The following LPAR1 variants were observed in gnomAD, a reference collection of about 807,000 sequenced individuals.
LPAR1 encodes lysophosphatidic acid receptor 1, also known as LPA receptor 1.
Under a neutral mutation model 23.8 loss-of-function variants are expected in LPAR1, and 5 were observed. That is an observed-to-expected ratio of 0.21 (90% CI 0.11 to 0.44). The LOEUF (loss-of-function observed/expected upper bound fraction) is 0.44. Ranked by LOEUF, LPAR1 falls within the 20% of genes least tolerant of loss-of-function variation. The pLI is 0.99. For synonymous variants in LPAR1, 160 were observed against 164.7 expected (o/e 0.97, Z 0.22); for missense variants, 311 against 482.8 (o/e 0.64, Z 3.33).
At chr9:110,966,508 T>C (rs2096233238) in intron 4 of LPAR1, among the ~76,000 whole-genome samples, 1 of 148,442 alleles carries the variant, frequency 6.7e-6, no homozygotes, top group South Asian at 2.1e-4. Flanking sequence ...CCAACCTAGA[T>C]GATGGGTTGA....
At chr9:111,022,836 G>T (rs1465895201) in intron 2 of LPAR1, among the ~76,000 whole-genome samples, 1 of 151,886 alleles carries the variant, frequency 6.6e-6, no homozygotes, top group Non-Finnish European at 1.5e-5. Context: ...GGATTACGAG[G>T]TCAGGAGATC....
chr9:110,894,326 T>C (rs2085535717), intron 5 of LPAR1, among the ~76,000 whole-genome samples: 1 of 152,216 alleles, frequency 6.6e-6, no homozygotes, highest in Admixed American at 6.5e-5. Context: ...ATATGGGACA[T>C]TGGACAAGTT....
chr9:110,989,717 A>G (rs1332985580), intron 2 of LPAR1, among the ~76,000 whole-genome samples: 2 of 152,202 alleles, frequency 1.3e-5, no homozygotes, highest in South Asian at 4.1e-4. Context: ...GCAAGATGAT[A>G]GATTTAAACA....
At chr9:111,017,226 C>T (rs977016368) in intron 2 of LPAR1, among the ~76,000 whole-genome samples, 1 of 152,172 alleles carries the variant, frequency 6.6e-6, no homozygotes, top group Non-Finnish European at 1.5e-5. Flanking sequence ...AATTCACACT[C>T]ACTTCCTCTT....
chr9:111,011,316 T>A (rs2097327430), intron 2 of LPAR1, among the ~76,000 whole-genome samples: 1 of 152,216 alleles, frequency 6.6e-6, no homozygotes, highest in African/African-American at 2.4e-5. Flanking sequence ...CTACATCTTA[T>A]CCAATCCTTT....
chr9:110,892,808 G>A (rs2084794191), intron 5 of LPAR1, among the ~76,000 whole-genome samples: 1 of 107,670 alleles, frequency 9.3e-6, no homozygotes, highest in Non-Finnish European at 1.8e-5. Context: ...AAGGAAGGAA[G>A]GAAGGAAGGA....
intron 4 of LPAR1, among the ~76,000 whole-genome samples, chr9:110,951,730 C>A (rs565595527): frequency 6.3e-4 from 96 of 152,056 alleles, no homozygotes; most frequent in Non-Finnish European, 1.1e-3. Flanking sequence ...TAACTATGAA[C>A]ATGTTCATAC....
intron 5 of LPAR1, among the ~76,000 whole-genome samples, chr9:110,933,548 G>T (rs2418118): frequency 6.6e-6 from 1 of 151,810 alleles, no homozygotes; most frequent in Non-Finnish European, 1.5e-5. Flanking sequence ...TGGGACTATG[G>T]AACTCGTAAG....
At chr9:110,905,272 A>AG in intron 5 of LPAR1, among the ~76,000 whole-genome samples, 2 of 152,272 alleles carry the variant, frequency 1.3e-5, no homozygotes, top group Non-Finnish European at 2.9e-5. Context: ...GAGAAGTGCT[A>AG]GGTCATATAT....
At position 110,885,128 on chromosome 9, in the gene LPAR1, A is replaced by T. The variant is rs73655651; in HGVS notation, c.794-9406T>A. ...TACTTTTGCATAGTAATATGTACTAATTTAGTCAATACAGTGTCTTCTTGA... is the reference window on the plus strand; with the variant it reads ...TACTTTTGCATAGTAATATGTACTATTTTAGTCAATACAGTGTCTTCTTGA... On this transcript the variant is annotated intron_variant, in intron 5 of 5. Coordinates refer to ENST00000683809, the MANE Select transcript of LPAR1 (RefSeq NM_001351411.2). 2.8e-3 allele frequency among the ~76,000 whole-genome samples: 431 copies of T among 152,314 alleles called. 1 individual carries two copies. The highest frequency in any genetic ancestry group is 9.9e-3 in the African/African-American group (412 of 41,552).
intron 5 of LPAR1, among the ~76,000 whole-genome samples, chr9:110,900,173 A>G (rs901482196): frequency 2.6e-5 from 4 of 152,302 alleles, no homozygotes; most frequent in African/African-American, 9.6e-5. Context: ...TTGCTAGGCA[A>G]AAATCAAAGT....
At position 110,941,953 on chromosome 9, in the gene LPAR1, T is replaced by G. The variant is rs763056778; in HGVS notation, c.261A>C (p.Leu87=). 1.2e-6 allele frequency: 2 copies of G among 1,614,062 alleles called. No homozygotes were observed. Among genetic ancestry groups the G allele is most frequent in the South Asian group, 2.2e-5 (2 of 91,072 alleles). The change falls in exon 5 of 6, where the codon CTA becomes CTC. Residue 87 remains leucine, a synonymous_variant. Transcript: ENST00000683809. This position sits in a 1 kb window ranked among gnomAD's most constrained non-coding sequence, Gnocchi z 6.1. ...AGTCTGCAGCAGCCAGATTAGCCAT[T>G]AGGTAATAAATAGGAAAATGGAAGC... ...NRRFHFPIYY[L]MANLAAADFF...
chr9:111,015,767 T>C (rs1473777632), intron 2 of LPAR1, among the ~76,000 whole-genome samples: 2 of 152,094 alleles, frequency 1.3e-5, no homozygotes, highest in African/African-American at 2.4e-5. Context: ...GATGTTTTCA[T>C]AAATAACTTT....
chr9:110,888,859 A>T (rs190788288), intron 5 of LPAR1, among the ~76,000 whole-genome samples: 1 of 152,342 alleles, frequency 6.6e-6, no homozygotes, highest in African/African-American at 2.4e-5. Context: ...AAAGTAAAAA[A>T]TACCTGAAAA....
At chr9:110,949,134 T>A (rs533373457) in intron 4 of LPAR1, among the ~76,000 whole-genome samples, 3 of 152,034 alleles carry the variant, frequency 2.0e-5, no homozygotes, top group African/African-American at 7.2e-5. Context: ...GTTGGTGATA[T>A]CCCCATGCTC....
chr9:110,933,617 C>A (rs1212388843), intron 5 of LPAR1, among the ~76,000 whole-genome samples: 2 of 152,182 alleles, frequency 1.3e-5, no homozygotes, highest in African/African-American at 4.8e-5. Flanking sequence ...TCTAAACTCT[C>A]AACCCCTAGG....
At chr9:111,035,496 T>G (rs192773710) in intron 2 of LPAR1, among the ~76,000 whole-genome samples, 10 of 152,232 alleles carry the variant, frequency 6.6e-5, no homozygotes, top group Non-Finnish European at 1.5e-5. Flanking sequence ...AGTGTTGAGA[T>G]TACAGGCATA....
chr9:110,886,055 G>A (rs532494101), intron 5 of LPAR1, among the ~76,000 whole-genome samples: 12 of 152,170 alleles, frequency 7.9e-5, no homozygotes, highest in Middle Eastern at 3.4e-3. Context: ...AAAATTAGTC[G>A]GGTGTGATGG....
intron 5 of LPAR1, among the ~76,000 whole-genome samples, chr9:110,925,119 T>C (rs58798943): frequency 0.019 from 2,928 of 152,152 alleles, 94 homozygotes; most frequent in African/African-American, 0.067. Context: ...CCACGCTGAA[T>C]TGGTTTGTAT....
Sources: gnomAD v4.1 joint callset for allele counts (sites outside exome capture counted in the v4.1 genomes callset) on GRCh38, gnomAD v4.1.1 for gene constraint, Gnocchi (gnomAD v3.1) non-coding constraint, MANE v1.5 for transcripts, NCBI Gene and HGNC (gene_info 2026-07-23, HGNC 2026-07-21) for gene names.